The following ADGRV1 variants were observed in gnomAD, a reference collection of about 807,000 sequenced individuals.
The protein encoded by ADGRV1 is adhesion G protein-coupled receptor V1.
A neutral mutation model predicts 596.2 loss-of-function variants in ADGRV1; 359 were observed. The observed-to-expected ratio is 0.60, with a 90% confidence interval of 0.55 to 0.66. The LOEUF is 0.66. Among genes scored for constraint, ADGRV1 ranks in the 30% least tolerant of loss-of-function variants. ADGRV1 has a pLI of 0.00. For synonymous variants in ADGRV1, 2,681 were observed against 2,679.2 expected (o/e 1.00, Z -0.02); for missense variants, 7,274 against 7,575.6 (o/e 0.96, Z 1.48).
chr5:90,802,300 C>T (rs1171654619), intron 70 of ADGRV1, among the ~76,000 whole-genome samples: 1 of 152,222 alleles, frequency 6.6e-6, no homozygotes, highest in Non-Finnish European at 1.5e-5. Flanking sequence ...ACTGCAACCT[C>T]TGCCTCCTGG....
In ADGRV1 at chr5:90,642,990, A is replaced by T. The variant is rs1359442013; in HGVS notation, c.2502A>T (p.Gly834=). 2 of 1,613,654 alleles carry T rather than the reference A, an allele frequency of 1.2e-6. No individual in the cohort carries two copies. The highest frequency in any genetic ancestry group is 1.3e-5 in the African/African-American group (1 of 75,040). The change falls in exon 13 of 90, where the codon GGA becomes GGT. Residue 834 remains glycine, a synonymous_variant. Coordinates refer to ENST00000405460, the MANE Select transcript of ADGRV1 (RefSeq NM_032119.4). ...CGGGAGTACTAGAATTTAAACCTGG[A>T]GAAAGGGAGATAGTGATCACCTTGC... is the stretch of plus-strand genomic sequence containing the variant. The part of the protein sequence containing the change: ...GNTGVLEFKP[G]EREIVITLLA...
intron 87 of ADGRV1, among the ~76,000 whole-genome samples, chr5:91,122,073 G>T (rs1429914275): frequency 6.6e-6 from 1 of 152,102 alleles, no homozygotes; most frequent in Non-Finnish European, 1.5e-5. Flanking sequence ...TCTGAAACAA[G>T]AAAGACTAGA....
At chr5:90,613,081 C>T (rs542483484) in intron 1 of ADGRV1, among the ~76,000 whole-genome samples, 44 of 152,016 alleles carry the variant, frequency 2.9e-4, no homozygotes, top group Non-Finnish European at 5.9e-4. Flanking sequence ...GTTCATGATT[C>T]CCTCTACTCA....
intron 77 of ADGRV1, among the ~76,000 whole-genome samples, chr5:90,837,625 C>T (rs1765088223): frequency 6.6e-6 from 1 of 152,044 alleles, no homozygotes; most frequent in Non-Finnish European, 1.5e-5. Context: ...CTGCCTTGGC[C>T]TCCCCATTGT....
intron 86 of ADGRV1, among the ~76,000 whole-genome samples, chr5:91,095,599 A>G (rs1362894182): frequency 5.9e-5 from 9 of 152,262 alleles, no homozygotes; most frequent in South Asian, 2.1e-4. Flanking sequence ...AAGGACACCA[A>G]TATTTTCTCA....
intron 83 of ADGRV1, chr5:90,929,705 T>G (rs1463164192): frequency 1.3e-5 from 2 of 152,254 alleles, no homozygotes; most frequent in African/African-American, 2.4e-5. Context: ...TTAAAAGTTG[T>G]TTTCAGTGCT....
intron 87 of ADGRV1, among the ~76,000 whole-genome samples, chr5:91,148,735 C>G (rs1387445693): frequency 1.3e-5 from 2 of 152,176 alleles, no homozygotes; most frequent in South Asian, 2.1e-4. Context: ...TATCCACAAA[C>G]AGCATGCACT....
chr5:90,674,200 T>C lies in ADGRV1; in HGVS notation c.5076T>C (p.Thr1692=). The C allele has an allele frequency of 6.2e-7, 1 of 1,610,572 alleles. No individual in the cohort carries two copies. Among genetic ancestry groups the C allele is most frequent in the Non-Finnish European group, 8.5e-7 (1 of 1,178,666 alleles). ...GCATAGATCCTGAAAAGGAAACGAC[T>C]GATATCACCATCAAAGCTAGTGATC... ...GASIDPEKET[T]DITIKASDHP... The change falls in exon 23 of 90, where the codon ACT becomes ACC. Residue 1692 remains threonine (T), a synonymous_variant. Transcript: ENST00000405460.
chr5:90,631,976 G>T (rs1765559323), intron 9 of ADGRV1, among the ~76,000 whole-genome samples: 2 of 152,156 alleles, frequency 1.3e-5, no homozygotes, highest in Non-Finnish European at 2.9e-5. Flanking sequence ...TTCACACTTA[G>T]AGTAGCATTT....
chr5:90,598,567 G>A (rs1761008786), intron 1 of ADGRV1, among the ~76,000 whole-genome samples: 1 of 152,188 alleles, frequency 6.6e-6, no homozygotes, highest in African/African-American at 2.4e-5. Flanking sequence ...TGAAGTAGCA[G>A]GCCTGGACAG....
chr5:90,820,715 C>T (rs1311535849), intron 75 of ADGRV1, among the ~76,000 whole-genome samples: 3 of 149,920 alleles, frequency 2.0e-5, no homozygotes, highest in Non-Finnish European at 4.5e-5. Context: ...GTTGAAAATT[C>T]TTTTCTTTAA....
intron 70 of ADGRV1, among the ~76,000 whole-genome samples, chr5:90,801,879 C>T (rs968120387): frequency 2.6e-5 from 4 of 152,092 alleles, no homozygotes; most frequent in African/African-American, 4.8e-5. Context: ...CCAGATTCCC[C>T]CTATTTTGTT....
At chr5:91,067,039 A>G (rs1787940571) in intron 85 of ADGRV1, among the ~76,000 whole-genome samples, 1 of 152,150 alleles carries the variant, frequency 6.6e-6, no homozygotes, top group African/African-American at 2.4e-5. Context: ...ATAAAAGGAG[A>G]AAAGGGGATG....
intron 21 of ADGRV1, among the ~76,000 whole-genome samples, chr5:90,666,947 C>T (rs1771529863): frequency 6.6e-6 from 1 of 152,050 alleles, no homozygotes; most frequent in African/African-American, 2.4e-5. Context: ...CCCCCACTCT[C>T]TTCTGGCTTG....
At chr5:90,793,082 T>G (rs925150712) in intron 70 of ADGRV1, 1 of 152,212 alleles carries the variant, frequency 6.6e-6, no homozygotes, top group Non-Finnish European at 1.5e-5. Flanking sequence ...TGAGTGAAAC[T>G]GTGTGATTTG....
intron 83 of ADGRV1, among the ~76,000 whole-genome samples, chr5:90,946,222 C>T (rs1417854419): frequency 6.6e-6 from 1 of 151,948 alleles, no homozygotes; most frequent in Non-Finnish European, 1.5e-5. Context: ...CGCAGTGCCG[C>T]AGCTGAGTGA....
intron 1 of ADGRV1, among the ~76,000 whole-genome samples, chr5:90,596,005 CG>C (rs1580390943): frequency 6.8e-6 from 1 of 147,898 alleles, no homozygotes; most frequent in African/African-American, 2.5e-5. Flanking sequence ...GGGCGGCTGC[CG>C]GGCGGAGAGG....
chr5:91,061,991 C>A (rs1220760199), intron 85 of ADGRV1, among the ~76,000 whole-genome samples: 1 of 152,096 alleles, frequency 6.6e-6, no homozygotes, highest in African/African-American at 2.4e-5. Context: ...GGGAGTATAG[C>A]AGTATACCAC....
At chr5:91,007,704 G>A (rs1296307303) in intron 85 of ADGRV1, among the ~76,000 whole-genome samples, 1 of 152,110 alleles carries the variant, frequency 6.6e-6, no homozygotes, top group African/African-American at 2.4e-5. Flanking sequence ...AAGATAATGG[G>A]AAATTCCAGT....
Sources: gnomAD v4.1 joint callset for allele counts (sites outside exome capture counted in the v4.1 genomes callset) on GRCh38, gnomAD v4.1.1 for gene constraint, MANE v1.5 for transcripts, NCBI Gene and HGNC (gene_info 2026-07-23, HGNC 2026-07-21) for gene names.